GPR176: variants seen among roughly 807,000 people sequenced by gnomAD.
The protein encoded by GPR176 is G protein-coupled receptor 176.
In GPR176, 26 loss-of-function variants were observed where a neutral mutation model predicts 35.4. The ratio of observed to expected loss-of-function variants is 0.74; its 90% confidence interval spans 0.54 to 1.02. The LOEUF (loss-of-function observed/expected upper bound fraction) is 1.02. Ranked by LOEUF, GPR176 falls within the 50% of genes least tolerant of loss-of-function variation. The probability of loss-of-function intolerance (pLI) is 0.00; values close to 1 mark genes in which losing one functional copy is unlikely to be tolerated. For missense variants in GPR176, 597 were observed against 665.3 expected (o/e 0.90, Z 1.13); for synonymous variants, 278 against 271.3 (o/e 1.02, Z -0.24).
Position 39,801,273 on chromosome 15 carries a change from T to C in GPR176, c.1407A>G (p.Arg469=). The part of the protein sequence containing the change: ...ELPPQWLSET[R]NSKKRLLPPL... ...GGGGAAGCAGCCGCTTCTTGCTGTT[T>C]CGGGTCTCTGAGAGCCACTGAGGAG... The change falls in exon 3 of 3, where the codon CGA becomes CGG. Residue 469 remains arginine, a synonymous_variant. Coordinates refer to ENST00000561100, the MANE Select transcript of GPR176 (RefSeq NM_007223.3). 1.2e-6 allele frequency: 2 copies of C among 1,614,222 alleles called. No individual in the cohort carries two copies. The highest frequency in any genetic ancestry group is 1.7e-6 in the Non-Finnish European group (2 of 1,180,026).
chr15:39,897,388 A>G (rs2033144489), intron 1 of GPR176, among the ~76,000 whole-genome samples: 1 of 152,200 alleles, frequency 6.6e-6, no homozygotes, highest in African/African-American at 2.4e-5. Context: ...TAGTCTATAC[A>G]CATTTACAAA....
At chr15:39,891,370 G>A (rs1186038825) in intron 1 of GPR176, among the ~76,000 whole-genome samples, 1 of 152,102 alleles carries the variant, frequency 6.6e-6, no homozygotes, top group South Asian at 2.1e-4. Context: ...GGGTTTTTTT[G>A]TTGTTAAAGA....
intron 1 of GPR176, among the ~76,000 whole-genome samples, chr15:39,919,269 A>C (rs1230182475): frequency 6.6e-6 from 1 of 152,194 alleles, no homozygotes; most frequent in Non-Finnish European, 1.5e-5. Context: ...ATGGGGAAGT[A>C]GAGTGGGTTT....
intron 1 of GPR176, among the ~76,000 whole-genome samples, chr15:39,883,521 A>G (rs545715476): frequency 6.6e-6 from 1 of 152,284 alleles, no homozygotes; most frequent in South Asian, 2.1e-4. Context: ...ATCACCTCCC[A>G]AAGTTTCCCC....
At chr15:39,822,274 G>A (rs1345885812) in intron 1 of GPR176, among the ~76,000 whole-genome samples, 1 of 152,192 alleles carries the variant, frequency 6.6e-6, no homozygotes, top group East Asian at 1.9e-4. Context: ...GATAATAACT[G>A]TTGCTTTAAG....
At chr15:39,816,340 C>T (rs191066463) in intron 1 of GPR176, among the ~76,000 whole-genome samples, 59 of 152,110 alleles carry the variant, frequency 3.9e-4, no homozygotes, top group African/African-American at 1.2e-4. Context: ...GATTTAGCCA[C>T]TCCACATTAT....
intron 1 of GPR176, among the ~76,000 whole-genome samples, chr15:39,871,722 T>G (rs1002042450): frequency 1.3e-5 from 2 of 152,172 alleles, no homozygotes; most frequent in African/African-American, 4.8e-5. Flanking sequence ...CTCAAGAGTA[T>G]CTGCACGAAC....
chr15:39,870,998 T>C (rs2032022163), intron 1 of GPR176, among the ~76,000 whole-genome samples: 2 of 152,132 alleles, frequency 1.3e-5, no homozygotes, highest in Non-Finnish European at 2.9e-5. Context: ...TTCAGCCTAG[T>C]GAGACCCTGA....
chr15:39,849,301 C>G (rs181110539), intron 1 of GPR176, among the ~76,000 whole-genome samples: 12 of 152,246 alleles, frequency 7.9e-5, no homozygotes, highest in Middle Eastern at 3.4e-3. Flanking sequence ...ATGTTAAACA[C>G]TTCCCCCAAA....
intron 1 of GPR176, among the ~76,000 whole-genome samples, chr15:39,824,527 A>G (rs1224142648): frequency 1.3e-5 from 2 of 152,242 alleles, no homozygotes; most frequent in Non-Finnish European, 2.9e-5. Context: ...AGCAATTATT[A>G]TATTGAGGAT....
At chr15:39,829,195 C>G (rs1900896546) in intron 1 of GPR176, 2 of 1,530,482 alleles carry the variant, frequency 1.3e-6, no homozygotes, top group Non-Finnish European at 8.7e-7. Flanking sequence ...GAGACAACAC[C>G]TCACAACGCA....
At chr15:39,806,925 A>C in intron 2 of GPR176, 81 bp downstream of exon 2, 1 of 1,264,318 alleles carries the variant, frequency 7.9e-7, no homozygotes, top group South Asian at 1.4e-5. Context: ...CGGAACATTG[A>C]CTACTCATCA....
At chr15:39,875,290 C>A (rs1012351099) in intron 1 of GPR176, among the ~76,000 whole-genome samples, 5 of 152,152 alleles carry the variant, frequency 3.3e-5, no homozygotes, top group Admixed American at 3.3e-4. Flanking sequence ...AAAAACCAAC[C>A]GTTTCTAAAA....
intron 2 of GPR176, among the ~76,000 whole-genome samples, chr15:39,802,520 A>T (rs377758482): frequency 5.9e-5 from 9 of 152,260 alleles, no homozygotes; most frequent in Non-Finnish European, 1.3e-4. Flanking sequence ...GAAAACAAGT[A>T]AATAATTTCA....
intron 1 of GPR176, among the ~76,000 whole-genome samples, chr15:39,832,396 G>C (rs1296450345): frequency 2.6e-5 from 4 of 152,012 alleles, no homozygotes; most frequent in African/African-American, 9.7e-5. Flanking sequence ...CCGCAAACTT[G>C]CTGATTAAAA....
intron 1 of GPR176, among the ~76,000 whole-genome samples, chr15:39,898,120 T>G (rs2033173549): frequency 6.6e-6 from 1 of 152,258 alleles, no homozygotes; most frequent in Non-Finnish European, 1.5e-5. Context: ...TTTATTTTAT[T>G]GCTTCATTTT....
In GPR176 at chr15:39,800,940, T is replaced by C. The variant is rs906792731; in HGVS notation, c.*192A>G. ...GACATGGATCACTGAGATGGATACA[T>C]ATACTCCCTCAATAAAGAGGACACT... On this transcript the variant is annotated 3_prime_UTR_variant, in exon 3 of 3. Coordinates refer to ENST00000561100, the MANE Select transcript of GPR176 (RefSeq NM_007223.3). 1 of 573,982 alleles carries C rather than the reference T, an allele frequency of 1.7e-6. No homozygotes were observed. The highest frequency in any genetic ancestry group is 2.0e-5 in the South Asian group (1 of 49,544). The allele number at this position is 573,982 out of a possible 1,614,324, so 35.6% of individuals were successfully genotyped here. A position where few individuals can be genotyped will look rare whatever the true frequency, so the allele number is the denominator to read the frequency against.
intron 1 of GPR176, among the ~76,000 whole-genome samples, chr15:39,874,885 A>C (rs764421737): frequency 6.6e-6 from 1 of 152,164 alleles, no homozygotes; most frequent in African/African-American, 2.4e-5. Flanking sequence ...CTCTACTAAA[A>C]ATACAAAATT....
intron 1 of GPR176, among the ~76,000 whole-genome samples, chr15:39,856,674 C>T (rs1431651378): frequency 2.0e-5 from 3 of 152,192 alleles, no homozygotes; most frequent in Non-Finnish European, 4.4e-5. Flanking sequence ...ATAATAATGC[C>T]GCAATGTCTT....
Sources: gnomAD v4.1 joint callset for allele counts (sites outside exome capture counted in the v4.1 genomes callset) on GRCh38, gnomAD v4.1.1 for gene constraint, MANE v1.5 for transcripts, NCBI Gene and HGNC (gene_info 2026-07-23, HGNC 2026-07-21) for gene names.